AKT3: variants seen among roughly 807,000 people sequenced by gnomAD.
The protein encoded by AKT3 is AKT serine/threonine kinase 3, also known as RAC-gamma serine/threonine-protein kinase.
Under a neutral mutation model 65.3 loss-of-function variants are expected in AKT3, and 15 were observed. The observed-to-expected ratio is 0.23, with a 90% CI of 0.15 to 0.35. The LOEUF is 0.35. Ranked by LOEUF, AKT3 falls within the 10% of genes least tolerant of loss-of-function variation. AKT3 has a pLI of 1.00. For missense variants in AKT3, 243 were observed against 576.5 expected (o/e 0.42, Z 5.92); for synonymous variants, 206 against 183.8 (o/e 1.12, Z -0.98).
intron 12 of AKT3, among the ~76,000 whole-genome samples, chr1:243,522,919 A>C (rs1238644917): frequency 6.6e-6 from 1 of 152,152 alleles, no homozygotes; most frequent in African/African-American, 2.4e-5. Flanking sequence ...AGGTTCTAGC[A>C]CTGACAGCCA....
chr1:243,715,529 A>G (rs1252245435), intron 2 of AKT3, among the ~76,000 whole-genome samples: 2 of 152,088 alleles, frequency 1.3e-5, no homozygotes, highest in Non-Finnish European at 1.5e-5. Flanking sequence ...GCATACTTTC[A>G]AACTGGGTGA....
chr1:243,502,015 C>A lies in AKT3; in HGVS notation c.*3234G>T, dbSNP rs144570659. On this transcript the variant is annotated 3_prime_UTR_variant, in exon 14 of 14. Transcript: ENST00000673466. ...TCCTTAACCAGATGACTAGATCTTGCGCAGATCTAATGAAAGAACTAGCAA... is the reference window on the plus strand; with the variant it reads ...TCCTTAACCAGATGACTAGATCTTGAGCAGATCTAATGAAAGAACTAGCAA... The A allele has an allele frequency of 1.7e-3, 391 of 232,414 alleles. 2 individuals are homozygous for A. Among genetic ancestry groups the A allele is most frequent in the Middle Eastern group, 3.9e-3 (3 of 778 alleles). The allele number at this position is 232,414 out of a possible 1,614,324, so 14.4% of individuals were successfully genotyped here. A position where few individuals can be genotyped will look rare whatever the true frequency, so the allele number is the denominator to read the frequency against.
At chr1:243,718,826 CT>C (rs1159123983) in intron 2 of AKT3, among the ~76,000 whole-genome samples, 1 of 152,016 alleles carries the variant, frequency 6.6e-6, no homozygotes, top group African/African-American at 2.4e-5. Context: ...TGAATTTTTT[CT>C]TTTTAAATAT....
chr1:243,641,538 T>A (rs1203235099), intron 5 of AKT3, among the ~76,000 whole-genome samples: 1 of 151,970 alleles, frequency 6.6e-6, no homozygotes, highest in Non-Finnish European at 1.5e-5. Flanking sequence ...AATTGAATTA[T>A]TGGGGGGTAA....
intron 2 of AKT3, among the ~76,000 whole-genome samples, chr1:243,749,748 CCTTTT>C (rs1033953044): frequency 2.6e-5 from 4 of 152,172 alleles, no homozygotes; most frequent in African/African-American, 4.8e-5. Context: ...TATTTTCTTT[CCTTTT>C]ATCAAAAAAT....
chr1:243,826,616 T>C (rs1011890688), intron 2 of AKT3, among the ~76,000 whole-genome samples: 1 of 152,194 alleles, frequency 6.6e-6, no homozygotes, highest in Non-Finnish European at 1.5e-5. Context: ...CTTGAAACCT[T>C]GAAGCAACAA....
At chr1:243,834,592 T>A (rs1315135049) in intron 2 of AKT3, among the ~76,000 whole-genome samples, 1 of 151,790 alleles carries the variant, frequency 6.6e-6, no homozygotes, top group African/African-American at 2.4e-5. Flanking sequence ...GGGTGGAGGG[T>A]GGGAGAAAGG....
chr1:243,513,971 C>T (rs1451564008), intron 12 of AKT3, among the ~76,000 whole-genome samples: 2 of 152,168 alleles, frequency 1.3e-5, no homozygotes, highest in Admixed American at 6.5e-5. Flanking sequence ...CATGCACACG[C>T]ACAGGGAACC....
At chr1:243,507,830 A>T (rs1410315699) in intron 13 of AKT3, among the ~76,000 whole-genome samples, 1 of 152,206 alleles carries the variant, frequency 6.6e-6, no homozygotes, top group African/African-American at 2.4e-5. Flanking sequence ...CTTTTTCTGT[A>T]AGAGGAAGGA....
chr1:243,674,009 A>C (rs1683334762), intron 3 of AKT3, among the ~76,000 whole-genome samples: 1 of 152,200 alleles, frequency 6.6e-6, no homozygotes, highest in South Asian at 2.1e-4. Flanking sequence ...CATTAGATTG[A>C]AAATTCCCTT....
At chr1:243,505,480 G>A (rs766224713) in intron 13 of AKT3, 146 bp from the exon 14 acceptor site, 3 of 619,592 alleles carry the variant, frequency 4.8e-6, no homozygotes, top group Non-Finnish European at 8.5e-6. Flanking sequence ...AAGCTGTAGA[G>A]TAATTATACT....
Position 243,575,183 on chromosome 1 carries a change from A to T in AKT3, c.697-2135T>A, listed in dbSNP as rs142167742. Among the ~76,000 whole-genome samples, 101 of 152,260 alleles carry T rather than the reference A, an allele frequency of 6.6e-4. 1 individual carries two copies. The highest frequency in any genetic ancestry group is 1.0e-3 in the Non-Finnish European group (69 of 68,010). ...AAATCTGAAGCTTAGGACATCACCTACTGCCCTCTTTCTTGAAACACATTT... is the reference window on the plus strand; with the variant it reads ...AAATCTGAAGCTTAGGACATCACCTTCTGCCCTCTTTCTTGAAACACATTT... On this transcript the variant is annotated intron_variant, in intron 8 of 13. Coordinates refer to ENST00000673466, the MANE Select transcript of AKT3 (RefSeq NM_005465.7).
At chr1:243,562,518 A>C (rs1391973496) in intron 10 of AKT3, among the ~76,000 whole-genome samples, 1 of 152,216 alleles carries the variant, frequency 6.6e-6, no homozygotes, top group Non-Finnish European at 1.5e-5. Context: ...AGTTTTTAAA[A>C]AGTTAATAGT....
intron 12 of AKT3, among the ~76,000 whole-genome samples, chr1:243,518,184 A>T (rs1043253282): frequency 6.6e-6 from 1 of 152,264 alleles, no homozygotes; most frequent in African/African-American, 2.4e-5. Context: ...TTCTCTATAC[A>T]TTAGTCAAGA....
Position 243,731,882 on chromosome 1 carries a change from G to A in AKT3, c.47-36166C>T, listed in dbSNP as rs1330481273. Among the ~76,000 whole-genome samples, 3 of 152,092 alleles carry A rather than the reference G, an allele frequency of 2.0e-5. No homozygotes were observed. In the East Asian group the frequency reaches 5.8e-4, roughly 29 times the overall value. On this transcript the variant is annotated intron_variant, in intron 2 of 13. Coordinates refer to ENST00000673466, the MANE Select transcript of AKT3 (RefSeq NM_005465.7). Reference sequence around the variant, plus strand: ...GAAGAGGATAAAATGAAATAAAATGGGAAAACACTCAGTGAAATGCCTCAT... The same window carrying A: ...GAAGAGGATAAAATGAAATAAAATGAGAAAACACTCAGTGAAATGCCTCAT...
intron 13 of AKT3, among the ~76,000 whole-genome samples, chr1:243,492,496 G>A (rs1666741997): frequency 1.3e-5 from 2 of 150,534 alleles, no homozygotes; most frequent in African/African-American, 4.9e-5. Context: ...TAGAAACGGG[G>A]TTTCGCCATG....
intron 8 of AKT3, among the ~76,000 whole-genome samples, chr1:243,591,689 G>A (rs1034807089): frequency 1.3e-5 from 2 of 151,664 alleles, no homozygotes; most frequent in African/African-American, 4.8e-5. Context: ...AGTTCAAAAG[G>A]TAGAGGGAAG....
intron 11 of AKT3, chr1:243,546,936 A>G (rs1207085851): frequency 1.3e-5 from 2 of 152,148 alleles, no homozygotes; most frequent in Non-Finnish European, 2.9e-5. Context: ...AAGTGATACA[A>G]TGGAGACTTC....
At chr1:243,699,773 T>C (rs540093751) in intron 2 of AKT3, among the ~76,000 whole-genome samples, 123 of 152,134 alleles carry the variant, frequency 8.1e-4, no homozygotes, top group African/African-American at 2.8e-3. Context: ...AATTAAGGAT[T>C]CTGAGAAGAT....
Sources: allele counts gnomAD v4.1 joint callset (sites outside exome capture counted in the v4.1 genomes callset), GRCh38; gene constraint gnomAD v4.1.1; transcripts MANE v1.5; gene names NCBI Gene and HGNC (gene_info 2026-07-23, HGNC 2026-07-21).